The following TMC1 variants were observed in gnomAD, a reference collection of about 807,000 sequenced individuals.
TMC1 encodes transmembrane channel-like protein 1.
Under a neutral mutation model 105.8 loss-of-function variants are expected in TMC1, and 84 were observed. The ratio of observed to expected loss-of-function variants is 0.79; its 90% CI spans 0.67 to 0.95. The LOEUF (loss-of-function observed/expected upper bound fraction) is 0.95, where lower values mean the gene tolerates loss of function less well. TMC1 is among the 40% of genes least tolerant of loss of function. TMC1 has a pLI of 0.00. For missense variants in TMC1, 817 were observed against 914.1 expected, an observed-to-expected ratio of 0.89 and a Z score of 1.37; for synonymous variants, 315 against 311.5, an observed-to-expected ratio of 1.01 and a Z score of -0.12.
chr9:72,665,972 C>T (rs1332981563), intron 5 of TMC1, among the ~76,000 whole-genome samples: 2 of 152,188 alleles, frequency 1.3e-5, no homozygotes, highest in Non-Finnish European at 2.9e-5. Context: ...CACAGTTCCT[C>T]CATGGCCTTT....
intron 8 of TMC1, among the ~76,000 whole-genome samples, chr9:72,734,714 C>T (rs1364462871): frequency 6.6e-6 from 1 of 152,118 alleles, no homozygotes. Flanking sequence ...CTTCTGGTCC[C>T]TTCACTGGAA....
At chr9:72,610,209 A>T (rs7850936) in intron 2 of TMC1, among the ~76,000 whole-genome samples, 1 of 152,206 alleles carries the variant, frequency 6.6e-6, no homozygotes, top group Admixed American at 6.5e-5. Flanking sequence ...CTTGATTTTT[A>T]AAATATTGGA....
At chr9:72,606,428 AC>A (rs1443922748) in intron 2 of TMC1, among the ~76,000 whole-genome samples, 1 of 152,082 alleles carries the variant, frequency 6.6e-6, no homozygotes, top group African/African-American at 2.4e-5. Context: ...ACACACACTA[AC>A]CCTGGTAAAA....
At chr9:72,819,345 T>C (rs968311476) in intron 19 of TMC1, among the ~76,000 whole-genome samples, 2 of 152,214 alleles carry the variant, frequency 1.3e-5, no homozygotes, top group African/African-American at 4.8e-5. Flanking sequence ...GTGTATTACA[T>C]CAACATGTAT....
intron 1 of TMC1, among the ~76,000 whole-genome samples, chr9:72,564,504 GT>G (rs1824113604): frequency 6.6e-6 from 1 of 152,162 alleles, no homozygotes; most frequent in African/African-American, 2.4e-5. Context: ...GATTTAATTG[GT>G]GAGAAAAATA....
At chr9:72,615,367 A>T (rs1259353866) in intron 2 of TMC1, among the ~76,000 whole-genome samples, 2 of 152,158 alleles carry the variant, frequency 1.3e-5, no homozygotes, top group Non-Finnish European at 2.9e-5. Flanking sequence ...CAGACAATTT[A>T]ATTTTAGAGC....
intron 5 of TMC1, among the ~76,000 whole-genome samples, chr9:72,683,891 CTCTT>C (rs1179650106): frequency 1.3e-5 from 2 of 150,526 alleles, no homozygotes; most frequent in African/African-American, 2.4e-5. Flanking sequence ...TTTTTTACTT[CTCTT>C]TCTGTTTCTC....
intron 4 of TMC1, among the ~76,000 whole-genome samples, chr9:72,634,791 T>A (rs903416624): frequency 1.3e-5 from 2 of 152,142 alleles, no homozygotes; most frequent in African/African-American, 4.8e-5. Flanking sequence ...GAAAAACAGT[T>A]TACTTATTTG....
At chr9:72,827,068 C>T (rs763013724) in intron 21 of TMC1, 74 bp downstream of exon 21, 4 of 1,591,576 alleles carry the variant, frequency 2.5e-6, no homozygotes, top group Admixed American at 3.3e-5. Context: ...TCAGCTTTTT[C>T]AGCTCTCTCA....
At chr9:72,650,530 G>A (rs942786374) in intron 5 of TMC1, among the ~76,000 whole-genome samples, 5 of 151,846 alleles carry the variant, frequency 3.3e-5, no homozygotes, top group Admixed American at 1.3e-4. Flanking sequence ...TTGGGAGTAC[G>A]TATGAAAGTT....
chr9:72,749,465 C>T (rs996383714), intron 10 of TMC1, among the ~76,000 whole-genome samples: 1 of 152,032 alleles, frequency 6.6e-6, no homozygotes, highest in African/African-American at 2.4e-5. Context: ...GTAGTCGTTA[C>T]CAGAGAATGT....
At chr9:72,672,312 T>G (rs1052358137) in intron 5 of TMC1, among the ~76,000 whole-genome samples, 1 of 152,196 alleles carries the variant, frequency 6.6e-6, no homozygotes, top group Non-Finnish European at 1.5e-5. Flanking sequence ...GTACAGACTT[T>G]GTTTTTTTAA....
chr9:72,739,878 T>A (rs1420985343), intron 8 of TMC1, among the ~76,000 whole-genome samples: 1 of 152,240 alleles, frequency 6.6e-6, no homozygotes, highest in Non-Finnish European at 1.5e-5. Flanking sequence ...ATCAATTCCC[T>A]TTCAGTGATT....
Position 72,789,278 on chromosome 9 carries a change from G to A in TMC1, c.1185G>A (p.Gln395=), listed in dbSNP as rs371815403. Residue 395 remains glutamine, a synonymous_variant, in exon 15 of 24, where the codon CAG becomes CAA. Transcript: ENST00000297784. The stretch of plus-strand genomic sequence containing the variant: ...TGAAGCGATCCCAGGAATTTGCACA[G>A]CAAGATCCTGACACCCTTGGGTGGT... The part of the protein sequence containing the change: ...WAVKRSQEFA[Q]QDPDTLGWWE... The A allele has an allele frequency of 1.2e-6, 2 of 1,613,926 alleles. No homozygotes were observed. The highest frequency in any genetic ancestry group is 1.7e-6 in the Non-Finnish European group (2 of 1,179,920).
chr9:72,621,378 T>C (rs998324438), intron 3 of TMC1, among the ~76,000 whole-genome samples: 1 of 152,188 alleles, frequency 6.6e-6, no homozygotes. Context: ...CCCTGGGAGT[T>C]AGTGTCTTAC....
chr9:72,590,644 A>G (rs141336356), intron 2 of TMC1, among the ~76,000 whole-genome samples: 1 of 152,352 alleles, frequency 6.6e-6, no homozygotes, highest in East Asian at 1.9e-4. Context: ...CTGTGTGTCA[A>G]ACTGTTTCAG....
In TMC1 at chr9:72,619,683, A is replaced by C. The variant is rs750158887; in HGVS notation, c.-196+3206A>C. 8.6e-5 allele frequency among the ~76,000 whole-genome samples: 13 copies of C among 151,102 alleles called. No homozygotes were observed. In the East Asian group the frequency reaches 2.3e-3, roughly 27 times the overall value. ...ACTAAACAAAAAATTAAAAATTAAT[A>C]TATTTTATAAAAACAAAAGCATATG... On this transcript the variant is annotated intron_variant, in intron 3 of 23. Transcript: ENST00000297784.
At chr9:72,646,937 T>C (rs1356945709) in intron 4 of TMC1, among the ~76,000 whole-genome samples, 2 of 151,874 alleles carry the variant, frequency 1.3e-5, no homozygotes, top group Non-Finnish European at 2.9e-5. Flanking sequence ...AGGTCAGGAG[T>C]TCGAGACCAA....
At chr9:72,657,127 TTTCTGTTA>T (rs1825896297) in intron 5 of TMC1, among the ~76,000 whole-genome samples, 2 of 152,216 alleles carry the variant, frequency 1.3e-5, no homozygotes, top group Admixed American at 1.3e-4. Context: ...TGTATCACTG[TTTCTGTTA>T]TTCTATCCCA....
Sources: allele counts gnomAD v4.1 joint callset (sites outside exome capture counted in the v4.1 genomes callset), GRCh38; gene constraint gnomAD v4.1.1; transcripts MANE v1.5; gene names NCBI Gene and HGNC (gene_info 2026-07-23, HGNC 2026-07-21).